The following ZNF44 variants were observed in gnomAD, a reference collection of about 807,000 sequenced individuals.
The protein encoded by ZNF44 is zinc finger protein 44.
Under a neutral mutation model 11.7 loss-of-function variants are expected in ZNF44, and 9 were observed. The ratio of observed to expected loss-of-function variants is 0.77; its 90% CI spans 0.46 to 1.35. The LOEUF (loss-of-function observed/expected upper bound fraction) is 1.35, where lower values mean the gene tolerates loss of function less well. Among genes scored for constraint, ZNF44 ranks in the 40% most tolerant of loss-of-function variants. ZNF44 has a pLI of 0.00. For synonymous variants in ZNF44, 224 were observed against 242.7 expected (o/e 0.92, Z 0.72); for missense variants, 696 against 743.1 (o/e 0.94, Z 0.74).
At chr19:12,263,236 G>A (rs1192060109) in intron 5 of ZNF44, among the ~76,000 whole-genome samples, 1 of 152,018 alleles carries the variant, frequency 6.6e-6, no homozygotes, top group East Asian at 1.9e-4. Context: ...ACAGGCATGT[G>A]GCACCACACC....
intron 1 of ZNF44, among the ~76,000 whole-genome samples, chr19:12,291,473 A>T (rs1463352901): frequency 6.6e-6 from 1 of 152,210 alleles, no homozygotes; most frequent in Admixed American, 6.6e-5. Context: ...GGGTAATAAA[A>T]GTAAATAAAA....
chr19:12,250,851 T>C (rs1250413305), intron 5 of ZNF44: 1 of 456,126 alleles, frequency 2.2e-6, no homozygotes, highest in Non-Finnish European at 4.4e-6. Flanking sequence ...CTTGTAACAA[T>C]ATTTACCTGA....
At chr19:12,243,266 C>T (rs1382885785), downstream of ZNF44, among the ~76,000 whole-genome samples, 1 of 152,142 alleles carries the variant, frequency 6.6e-6, no homozygotes, top group African/African-American at 2.4e-5. Context: ...TGATGACCAC[C>T]CATGCTGTAC....
intron 5 of ZNF44, among the ~76,000 whole-genome samples, chr19:12,255,227 T>C (rs1390926616): frequency 2.6e-5 from 4 of 151,964 alleles, no homozygotes; most frequent in African/African-American, 7.3e-5. Context: ...TAATCAATTA[T>C]CTAAGCATGT....
At chr19:12,255,372 T>G (rs1917205752) in intron 5 of ZNF44, among the ~76,000 whole-genome samples, 2 of 151,520 alleles carry the variant, frequency 1.3e-5, no homozygotes, top group South Asian at 4.1e-4. Flanking sequence ...TGAATAAAAT[T>G]GATTAAAAAA....
Position 12,274,018 on chromosome 19 carries a change from C to T in ZNF44, c.237G>A (p.Gln79=). 1.2e-6 allele frequency: 2 copies of T among 1,613,876 alleles called. No individual in the cohort carries two copies. Among genetic ancestry groups the T allele is most frequent in the Non-Finnish European group, 1.7e-6 (2 of 1,179,826 alleles). ...GAATCTGGCTTAAGGTTTCTCCACA[C>T]TGACTACCATCTTTACTTTTACCAA... ...ERFGKSKDGS[Q]CGETLSQIRN... is the part of the protein sequence containing the mutation. Residue 79 remains glutamine (Q), a synonymous_variant, in exon 4 of 4, where the codon CAG becomes CAA. Transcript: ENST00000355684.
At chr19:12,261,505 G>A (rs1348847166) in intron 5 of ZNF44, among the ~76,000 whole-genome samples, 1 of 152,168 alleles carries the variant, frequency 6.6e-6, no homozygotes, top group East Asian at 1.9e-4. Flanking sequence ...GCTGGCATGT[G>A]ACTGTAGTCC....
chr19:12,272,558 CCA>C lies in ZNF44; in HGVS notation c.1695_1696del (p.Cys565TrpfsTer2). ...GAAACTGGAACGACTGAAGGCTTTA[CCA>C]CAGTGTTTACATTCATAGGGTCTTT... On this transcript the variant is annotated frameshift_variant, in exon 4 of 4. Transcript: ENST00000355684. LOFTEE classifies it low-confidence loss of function (END_TRUNC). 3 of 1,613,542 alleles carry C rather than the reference CCA, an allele frequency of 1.9e-6. No homozygotes were observed. The highest frequency in any genetic ancestry group is 2.2e-5 in the South Asian group (2 of 90,960).
At chr19:12,293,131 A>G in intron 1 of ZNF44, 1 of 1,381,592 alleles carries the variant, frequency 7.2e-7, no homozygotes, top group South Asian at 1.4e-5. Flanking sequence ...CGGCTTCCCA[A>G]AGTGCTGGGA....
At chr19:12,239,576 T>A (rs866448795), upstream of ZNF44, among the ~76,000 whole-genome samples, 7,656 of 137,648 alleles carry the variant, frequency 0.056, 732 homozygotes, top group African/African-American at 0.2. Flanking sequence ...GCATTTTTTT[T>A]TTTTTTTTTT....
At chr19:12,258,476 G>T (rs542939168) in intron 5 of ZNF44, among the ~76,000 whole-genome samples, 1 of 151,964 alleles carries the variant, frequency 6.6e-6, no homozygotes, top group South Asian at 2.1e-4. Flanking sequence ...TAATTTAATT[G>T]GGGAGTAAGT....
intron 2 of ZNF44, among the ~76,000 whole-genome samples, chr19:12,275,304 T>C (rs1348029006): frequency 6.6e-6 from 1 of 152,202 alleles, no homozygotes; most frequent in African/African-American, 2.4e-5. Flanking sequence ...CCATTTCAAC[T>C]TAATGCAGAG....
Position 12,272,809 on chromosome 19 carries a change from C to T in ZNF44, c.1446G>A (p.Gly482=), listed in dbSNP as rs759801192. Residue 482 remains glycine (G), a synonymous_variant, in exon 4 of 4, where the codon GGG becomes GGA. Coordinates refer to ENST00000355684, the MANE Select transcript of ZNF44 (RefSeq NM_016264.4). ...EEEPYECKEC[G]KAFSSFKYFC... is the part of the protein sequence containing the mutation. ...AGTATTTAAAAGAACTAAATGCTTT[C>T]CCACACTCCTTACATTCATAAGGCT... The T allele has an allele frequency of 2.4e-5, 38 of 1,613,838 alleles. No homozygotes were observed. The highest frequency in any genetic ancestry group is 2.8e-5 in the Non-Finnish European group (33 of 1,179,894).
chr19:12,265,660 A>G (rs779490753), intron 5 of ZNF44, among the ~76,000 whole-genome samples: 12 of 152,300 alleles, frequency 7.9e-5, no homozygotes, highest in Middle Eastern at 3.4e-3. Flanking sequence ...TGTGCCAAGG[A>G]AAGATACTGG....
chr19:12,266,532 C>T (rs1228395299), intron 5 of ZNF44, among the ~76,000 whole-genome samples: 1 of 152,152 alleles, frequency 6.6e-6, no homozygotes, highest in African/African-American at 2.4e-5. Context: ...TTGGATAGTG[C>T]CCTAGGCCCC....
Position 12,273,165 on chromosome 19 carries a change from G to T in ZNF44, c.1090C>A (p.Pro364Thr). 1 of 1,613,928 alleles carries T rather than the reference G, an allele frequency of 6.2e-7. No homozygotes were observed. The highest frequency in any genetic ancestry group is 1.7e-4 in the Middle Eastern group (1 of 6,060). Residue 364 changes from proline (P) to threonine (T), a missense_variant, in exon 4 of 4, where the codon CCC becomes ACC. Coordinates refer to ENST00000355684, the MANE Select transcript of ZNF44 (RefSeq NM_016264.4). ...IHEGTHTLEK[P>T]YECKQCGKLL... The stretch of plus-strand genomic sequence containing the variant: ...TTCCCACATTGCTTACATTCATAGG[G>T]TTTCTCTAGAGTGTGAGTTCCTTCA...
exon 8 of ZNF44, chr19:12,248,174 T>G (rs572887293): frequency 7.7e-7 from 1 of 1,306,010 alleles, no homozygotes; most frequent in Non-Finnish European, 1.0e-6. Flanking sequence ...AAATGAAGGG[T>G]TTCCCACATT....
chr19:12,238,624 C>CAAAA (rs760047200), upstream of ZNF44, among the ~76,000 whole-genome samples: 13 of 62,646 alleles, frequency 2.1e-4, no homozygotes, highest in African/African-American at 3.9e-4. Flanking sequence ...GAGACTGTCT[C>CAAAA]AAAAAAAAAA....
At chr19:12,224,801 G>C (rs1457631925), downstream of ZNF44, 1 of 152,194 alleles carries the variant, frequency 6.6e-6, no homozygotes, top group African/African-American at 2.4e-5. Context: ...GGGTGAGGGA[G>C]CTTATTACAA....
Sources: gnomAD v4.1 joint callset for allele counts (sites outside exome capture counted in the v4.1 genomes callset) on GRCh38, gnomAD v4.1.1 for gene constraint, MANE v1.5 for transcripts, NCBI Gene and HGNC (gene_info 2026-07-23, HGNC 2026-07-21) for gene names.